CHURC1: variants seen among roughly 807,000 people sequenced by gnomAD.
CHURC1 encodes the protein protein Churchill.
A neutral mutation model predicts 15.4 loss-of-function variants in CHURC1; 12 were observed. The ratio of observed to expected loss-of-function variants is 0.78; its 90% CI spans 0.50 to 1.27. The LOEUF (loss-of-function observed/expected upper bound fraction) is 1.27, where lower values mean the gene tolerates loss of function less well. Ranked by LOEUF, CHURC1 falls within the 50% of genes most tolerant of loss-of-function variation. The pLI, the probability that CHURC1 is intolerant of heterozygous loss-of-function variation, is 0.00. For synonymous variants in CHURC1, 42 were observed against 47.5 expected (o/e 0.88, Z 0.48); for missense variants, 132 against 137.8 (o/e 0.96, Z 0.21).
intron 1 of CHURC1, among the ~76,000 whole-genome samples, chr14:64,923,669 A>G (rs1884476840): frequency 6.6e-6 from 1 of 151,576 alleles, no homozygotes; most frequent in Admixed American, 6.6e-5. Context: ...TTCTATTTTC[A>G]TATTTTATAT....
At chr14:64,916,795 G>A (rs902313102) in intron 1 of CHURC1, among the ~76,000 whole-genome samples, 1 of 152,014 alleles carries the variant, frequency 6.6e-6, no homozygotes, top group African/African-American at 2.4e-5. Context: ...AGCCAGGATG[G>A]TCTCGATCTC....
chr14:64,932,331 A>T lies in CHURC1; in HGVS notation c.*101A>T. The T allele has an allele frequency of 1.3e-6, 2 of 1,524,152 alleles. No homozygotes were observed. The highest frequency in any genetic ancestry group is 1.4e-5 in the African/African-American group (1 of 72,092). 94.4% of individuals were successfully genotyped at this position (1,524,152 alleles called of 1,614,324 possible). A position where few individuals can be genotyped will look rare whatever the true frequency, so the allele number is the denominator to read the frequency against. ...CATTCATACTGAAAATTCTTTGCAT[A>T]TTTTTTTTCTGCTTAGACTTACTTA... is the stretch of plus-strand genomic sequence containing the variant. On this transcript the variant is annotated 3_prime_UTR_variant, in exon 4 of 4. Transcript: ENST00000549115.
At chr14:64,915,431 G>C (rs564548913) in intron 1 of CHURC1, among the ~76,000 whole-genome samples, 2 of 152,340 alleles carry the variant, frequency 1.3e-5, no homozygotes, top group South Asian at 4.1e-4. Flanking sequence ...AGGGAAAGGG[G>C]AGGGCAATAG....
intron 2 of CHURC1, 84 bp downstream of exon 2, chr14:64,924,210 G>T (rs1200641715): frequency 1.4e-6 from 2 of 1,437,086 alleles, no homozygotes; most frequent in African/African-American, 1.4e-5. Flanking sequence ...ATATTCTGAG[G>T]CCTATTTCAA....
chr14:64,928,982 G>A (rs984025067), intron 3 of CHURC1, among the ~76,000 whole-genome samples: 3 of 151,814 alleles, frequency 2.0e-5, no homozygotes, highest in Non-Finnish European at 4.4e-5. Context: ...TCTAGCCTTC[G>A]TGCCTACACC....
chr14:64,935,329 T>C lies in CHURC1; in HGVS notation c.*3099T>C. The C allele has an allele frequency of 1.2e-6, 1 of 843,082 alleles. No homozygotes were observed. Among genetic ancestry groups the C allele is most frequent in the Non-Finnish European group, 1.4e-6 (1 of 701,218 alleles). 52.2% of individuals were successfully genotyped at this position (843,082 alleles called of 1,614,324 possible). A position where few individuals can be genotyped will look rare whatever the true frequency, so the allele number is the denominator to read the frequency against. ...TGCACATGTACCCTAAAACTTAAAG[T>C]ATAATAATAATAAAATAAAAAAAAA... is the stretch of plus-strand genomic sequence containing the variant. On this transcript the variant is annotated 3_prime_UTR_variant, in exon 4 of 4. Coordinates refer to ENST00000549115, the MANE Select transcript of CHURC1 (RefSeq NM_001386928.1).
In CHURC1 at chr14:64,932,149, G is replaced by A; in HGVS notation, c.258G>A (p.Met86Ile). Reference sequence around the variant, plus strand: ...TTATCTTGTTCTAGGAGTATACCATGCTGTGTCTGTTATGCGGCAAAGCCG... The same window carrying A: ...TTATCTTGTTCTAGGAGTATACCATACTGTGTCTGTTATGCGGCAAAGCCG... ...SIMDEFQEYT[M>I]LCLLCGKAED... The change falls in exon 4 of 4, where the codon ATG becomes ATA. Residue 86 changes from methionine to isoleucine, a missense_variant. Transcript: ENST00000549115. 1 of 1,613,642 alleles carries A rather than the reference G, an allele frequency of 6.2e-7. No homozygotes were observed.
rs528896338 is a variant in CHURC1 at position 64,933,713 on chromosome 14, G to C, written c.*1483G>C. ...AAAGGGTCAGGCATTAGAAACAAAA[G>C]TGTTTCTTCATATCTAGGAGATTTG... On this transcript the variant is annotated 3_prime_UTR_variant, in exon 4 of 4. Coordinates refer to ENST00000549115, the MANE Select transcript of CHURC1 (RefSeq NM_001386928.1). The C allele has an allele frequency of 4.1e-6, 4 of 985,412 alleles. No individual in the cohort carries two copies. Among genetic ancestry groups the C allele is most frequent in the Middle Eastern group, 5.2e-4 (1 of 1,914 alleles). 61.0% of individuals were successfully genotyped at this position (985,412 alleles called of 1,614,324 possible).
At chr14:64,914,936 T>C (rs1230756666) in intron 1 of CHURC1, among the ~76,000 whole-genome samples, 3 of 152,222 alleles carry the variant, frequency 2.0e-5, no homozygotes, top group Admixed American at 2.0e-4. Flanking sequence ...CTTTTGCAGA[T>C]GAAGAAACCG....
intron 1 of CHURC1, among the ~76,000 whole-genome samples, chr14:64,922,160 T>C (rs907969192): frequency 7.9e-5 from 12 of 152,182 alleles, no homozygotes; most frequent in Non-Finnish European, 2.9e-5. Flanking sequence ...AGAAATGTTT[T>C]ATACCTTCAC....
At chr14:64,924,315 G>A in intron 2 of CHURC1, 189 bp downstream of exon 2, 3 of 598,290 alleles carry the variant, frequency 5.0e-6, no homozygotes, top group Non-Finnish European at 7.2e-6. Flanking sequence ...CTATGTAAAT[G>A]ACTTTTGCAG....
At position 64,925,285 on chromosome 14, in the gene CHURC1, T is replaced by G. The variant is rs555250045; in HGVS notation, c.176-725T>G. On this transcript the variant is annotated intron_variant, in intron 2 of 3. Coordinates refer to ENST00000549115, the MANE Select transcript of CHURC1 (RefSeq NM_001386928.1). The stretch of plus-strand genomic sequence containing the variant: ...CTAGATTATTTTGTTACCATTAAAT[T>G]CACTTTAATGCCCAGCTTTGGTTTT... Among the ~76,000 whole-genome samples the G allele has an allele frequency of 3.0e-4, 46 of 152,344 alleles. No homozygotes were observed. In the South Asian group the frequency reaches 5.6e-3, roughly 19 times the overall value.
chr14:64,934,887 C>G lies in CHURC1; in HGVS notation c.*2657C>G, dbSNP rs1264265448. ...TTACAAAAATTTAAAACATAAGATC[C>G]TCTCTCTATATTTCATTATTGGTGA... On this transcript the variant is annotated 3_prime_UTR_variant, in exon 4 of 4. Coordinates refer to ENST00000549115, the MANE Select transcript of CHURC1 (RefSeq NM_001386928.1). 2 of 983,938 alleles carry G rather than the reference C, an allele frequency of 2.0e-6. No individual in the cohort carries two copies. Among genetic ancestry groups the G allele is most frequent in the African/African-American group, 3.5e-5 (2 of 57,164 alleles). The allele number at this position is 983,938 out of a possible 1,614,324, so 61.0% of individuals were successfully genotyped here.
intron 2 of CHURC1, among the ~76,000 whole-genome samples, chr14:64,925,332 G>A (rs867318227): frequency 1.3e-5 from 2 of 152,100 alleles, no homozygotes; most frequent in African/African-American, 2.4e-5. Flanking sequence ...GGATATAGTA[G>A]CACAGTTTAT....
At chr14:64,919,484 AAG>A (rs1884120706) in intron 1 of CHURC1, among the ~76,000 whole-genome samples, 1 of 152,228 alleles carries the variant, frequency 6.6e-6, no homozygotes, top group Non-Finnish European at 1.5e-5. Flanking sequence ...AGTTGTATGT[AAG>A]AGTGCCTTAA....
intron 3 of CHURC1, among the ~76,000 whole-genome samples, chr14:64,927,514 A>G (rs1012874670): frequency 5.9e-5 from 9 of 152,132 alleles, no homozygotes; most frequent in African/African-American, 1.9e-4. Flanking sequence ...TAACCAAGCC[A>G]TTGTAAATTA....
intron 1 of CHURC1, 130 bp downstream of exon 1, chr14:64,914,664 G>C: frequency 2.0e-6 from 3 of 1,528,758 alleles, no homozygotes; most frequent in Non-Finnish European, 2.6e-6. Flanking sequence ...ACCCAGTAGC[G>C]GTATTTAGGC....
intron 3 of CHURC1, among the ~76,000 whole-genome samples, chr14:64,931,130 A>G (rs1885055897): frequency 6.6e-6 from 1 of 152,232 alleles, no homozygotes; most frequent in Non-Finnish European, 1.5e-5. Context: ...AAGACTTAAC[A>G]TAGATGTTTG....
intron 2 of CHURC1, 25 bp downstream of exon 2, chr14:64,924,151 T>C: frequency 6.3e-7 from 1 of 1,587,492 alleles, no homozygotes; most frequent in Admixed American, 1.8e-5. Context: ...TTTTTTAACC[T>C]GAGTGTGTTA....
Sources: gnomAD v4.1 joint callset for allele counts (sites outside exome capture counted in the v4.1 genomes callset) on GRCh38, gnomAD v4.1.1 for gene constraint, MANE v1.5 for transcripts, NCBI Gene and HGNC (gene_info 2026-07-23, HGNC 2026-07-21) for gene names.